The following TYW1 variants were observed in gnomAD, a reference collection of about 807,000 sequenced individuals.
TYW1 encodes the protein tRNA-yW synthesizing protein 1 homolog.
Under a neutral mutation model 96.2 loss-of-function variants are expected in TYW1, and 46 were observed. The ratio of observed to expected loss-of-function variants is 0.48; its 90% CI spans 0.38 to 0.61. The LOEUF (loss-of-function observed/expected upper bound fraction) is 0.61, where lower values mean the gene tolerates loss of function less well. Ranked by LOEUF, TYW1 falls within the 20% of genes least tolerant of loss-of-function variation. TYW1 has a pLI of 0.00. For missense variants in TYW1, 684 were observed against 909.6 expected, an observed-to-expected ratio of 0.75 and a Z score of 3.19; for synonymous variants, 274 against 323.0, an observed-to-expected ratio of 0.85 and a Z score of 1.63.
intron 13 of TYW1, among the ~76,000 whole-genome samples, chr7:67,141,535 G>GT (rs1397885403): frequency 6.6e-6 from 1 of 152,132 alleles, no homozygotes; most frequent in Non-Finnish European, 1.5e-5. Context: ...CATTTTTACA[G>GT]TTCGTGTTTG....
chr7:67,014,280 A>G (rs1793930974), intron 4 of TYW1, 87 bp from the exon 5 acceptor site: 2 of 1,491,298 alleles, frequency 1.3e-6, no homozygotes, highest in Admixed American at 4.8e-5. Context: ...GTTCTTTGAG[A>G]TGAGTATGCT....
chr7:67,018,974 GA>G (rs974880486), intron 6 of TYW1, among the ~76,000 whole-genome samples: 1 of 69,254 alleles, frequency 1.4e-5, no homozygotes, highest in Non-Finnish European at 3.5e-5. Flanking sequence ...AAAAAAAAAA[GA>G]AAAAAACAAA....
chr7:67,200,718 C>A (rs1337519613), intron 15 of TYW1, among the ~76,000 whole-genome samples: 2 of 152,162 alleles, frequency 1.3e-5, no homozygotes, highest in Non-Finnish European at 2.9e-5. Flanking sequence ...GAAGTGTAAT[C>A]AGAGCTATGG....
At chr7:67,221,644 G>A (rs1220280186) in intron 15 of TYW1, among the ~76,000 whole-genome samples, 4 of 152,058 alleles carry the variant, frequency 2.6e-5, no homozygotes, top group African/African-American at 7.2e-5. Flanking sequence ...TTCCTTTTGT[G>A]TAGATGCTGT....
intron 13 of TYW1, 56 bp downstream of exon 13, chr7:67,117,674 T>G: frequency 7.1e-7 from 1 of 1,405,878 alleles, no homozygotes; most frequent in Non-Finnish European, 9.3e-7. Context: ...TGTACTGAAG[T>G]TAAGAAGAAA....
chr7:67,034,413 A>G (rs1280495289), intron 7 of TYW1, among the ~76,000 whole-genome samples: 1 of 152,030 alleles, frequency 6.6e-6, no homozygotes. Flanking sequence ...GCCTCCTTTA[A>G]TTTAAAACCC....
chr7:67,149,181 G>A (rs1798711681), intron 13 of TYW1, among the ~76,000 whole-genome samples: 2 of 152,154 alleles, frequency 1.3e-5, no homozygotes, highest in African/African-American at 4.8e-5. Context: ...ACCTTTTTAT[G>A]AGAATCATCA....
In TYW1 at chr7:67,059,144, G is replaced by A. The variant is rs536399573; in HGVS notation, c.1155+3257G>A. Among the ~76,000 whole-genome samples, 19 of 146,076 alleles carry A rather than the reference G, an allele frequency of 1.3e-4. No homozygotes were observed. In the East Asian group the frequency reaches 3.5e-3, roughly 27 times the overall value. On this transcript the variant is annotated intron_variant, in intron 9 of 15. Coordinates refer to ENST00000359626, the MANE Select transcript of TYW1 (RefSeq NM_018264.4). ...AGACAGGGTCTCGCTCTGTCACCCA[G>A]GCTGGAGTGCAGTGGTGTGATCTCA...
At chr7:67,067,120 C>T (rs1795890426) in intron 9 of TYW1, 165 bp from the exon 10 acceptor site, 1 of 750,746 alleles carries the variant, frequency 1.3e-6, no homozygotes, top group African/African-American at 1.8e-5. Context: ...CAAAGCACTG[C>T]CAAAACACTG....
intron 7 of TYW1, among the ~76,000 whole-genome samples, chr7:67,037,505 A>AG (rs895422313): frequency 1.9e-4 from 16 of 82,908 alleles, no homozygotes; most frequent in African/African-American, 8.0e-4. Flanking sequence ...ACTCCGTCTC[A>AG]AAAAAAAAAA....
rs762057939 is a variant in TYW1 at position 67,117,516 on chromosome 7, T to C, written c.1596T>C (p.Ser532=). The C allele has an allele frequency of 6.2e-7, 1 of 1,612,376 alleles. No individual in the cohort carries two copies. Among genetic ancestry groups the C allele is most frequent in the East Asian group, 2.2e-5 (1 of 44,874 alleles). The part of the protein sequence containing the change: ...NLEPVTQLYV[S]VDASTKDSLK... ...AGCCGGTTACTCAGCTGTATGTCAG[T>C]GTGGATGCCAGTACCAAAGACAGCC... The change falls in exon 13 of 16, where the codon AGT becomes AGC. Residue 532 remains serine (S), a synonymous_variant. Coordinates refer to ENST00000359626, the MANE Select transcript of TYW1 (RefSeq NM_018264.4).
rs1796671068 is a variant in TYW1, at chr7:67,090,211, AGAAAC to A, written c.1384+6673_1384+6677del. Among the ~76,000 whole-genome samples, 4 of 152,230 alleles carry A rather than the reference AGAAAC, an allele frequency of 2.6e-5. No individual in the cohort carries two copies. The South Asian group carries it at 8.3e-4, about 32-fold the overall frequency. Reference sequence around the variant, plus strand: ...AGAACACCACCTGTTAATTGTTTTCAGAAACTAATTTATGAAAAACCTCAAGTGGA... The same window carrying A: ...AGAACACCACCTGTTAATTGTTTTCATAATTTATGAAAAACCTCAAGTGGA... On this transcript the variant is annotated intron_variant, in intron 11 of 15. Transcript: ENST00000359626.
chr7:67,125,511 A>ATCAACATCACCCGCG (rs1243024890), intron 13 of TYW1, among the ~76,000 whole-genome samples: 1 of 140,302 alleles, frequency 7.1e-6, no homozygotes, highest in East Asian at 2.2e-4. Context: ...TTACCTCCTT[A>ATCAACATCACCCGCG]TCAACATCAC....
At chr7:67,183,930 T>C (rs11772493) in intron 14 of TYW1, among the ~76,000 whole-genome samples, 42,427 of 151,640 alleles carry the variant, frequency 0.28, 6,390 homozygotes, top group African/African-American at 0.4. Flanking sequence ...TGGGTTCCAG[T>C]AGTCCTCCTG....
Position 67,009,695 on chromosome 7 carries a change from G to A in TYW1, c.375+11G>A. 1.9e-6 allele frequency: 3 copies of A among 1,579,302 alleles called. No individual in the cohort carries two copies. Among genetic ancestry groups the A allele is most frequent in the Non-Finnish European group, 2.6e-6 (3 of 1,166,028 alleles). ...CATCTGATAGAAGAGGTTGGTAATT[G>A]TCTTTTTCTTCAGTCAAAACTCTCA... On this transcript the variant is annotated intron_variant, in intron 4 of 15. Coordinates refer to ENST00000359626, the MANE Select transcript of TYW1 (RefSeq NM_018264.4).
intron 7 of TYW1, among the ~76,000 whole-genome samples, chr7:67,038,084 TGAG>T (rs1049291817): frequency 6.6e-5 from 10 of 152,196 alleles, no homozygotes; most frequent in South Asian, 2.1e-4. Flanking sequence ...GCAGATCACC[TGAG>T]GTCAGGAGTT....
intron 13 of TYW1, among the ~76,000 whole-genome samples, chr7:67,155,535 A>G (rs1311538459): frequency 5.3e-5 from 8 of 150,752 alleles, no homozygotes; most frequent in Admixed American, 4.6e-4. Flanking sequence ...TCTTTTCTTC[A>G]TAAATTACCC....
In TYW1 at chr7:67,058,729, G is replaced by T. The variant is rs1795606949; in HGVS notation, c.1155+2842G>T. On this transcript the variant is annotated intron_variant, in intron 9 of 15. Coordinates refer to ENST00000359626, the MANE Select transcript of TYW1 (RefSeq NM_018264.4). Reference sequence around the variant, plus strand: ...GGACTCAGGTGATCTGCCTGCCTTGGCCTCTGAAAGTGCTGGGATTATAGT... The same window carrying T: ...GGACTCAGGTGATCTGCCTGCCTTGTCCTCTGAAAGTGCTGGGATTATAGT... 2.0e-5 allele frequency among the ~76,000 whole-genome samples: 3 copies of T among 152,042 alleles called. 1 individual carries two copies. The South Asian group carries it at 6.2e-4, about 32-fold the overall frequency.
intron 14 of TYW1, among the ~76,000 whole-genome samples, chr7:67,191,102 G>GCCAC (rs1800201393): frequency 6.6e-6 from 1 of 152,204 alleles, no homozygotes; most frequent in Admixed American, 6.5e-5. Context: ...TGTGGTGAGG[G>GCCAC]CCACAGGCTG....
Sources: gnomAD v4.1 joint callset for allele counts (sites outside exome capture counted in the v4.1 genomes callset) on GRCh38, gnomAD v4.1.1 for gene constraint, MANE v1.5 for transcripts, NCBI Gene and HGNC (gene_info 2026-07-23, HGNC 2026-07-21) for gene names.